Variants in SIRPG observed in about 807,000 individuals in gnomAD.
SIRPG encodes the protein signal regulatory protein gamma, also known as signal-regulatory protein gamma.
A neutral mutation model predicts 35.7 loss-of-function variants in SIRPG; 38 were observed. The ratio of observed to expected loss-of-function variants is 1.06; its 90% CI spans 0.82 to 1.40. SIRPG has a LOEUF of 1.40. Among genes scored for constraint, SIRPG ranks in the 40% most tolerant of loss-of-function variants. The probability of loss-of-function intolerance (pLI) is 0.00; values close to 1 mark genes in which losing one functional copy is unlikely to be tolerated. For synonymous variants in SIRPG, 215 were observed against 190.4 expected, an observed-to-expected ratio of 1.13 and a Z score of -1.06; for missense variants, 519 against 483.0, an observed-to-expected ratio of 1.07 and a Z score of -0.70.
chr20:1,685,371 T>C, the SIRPG span, among the ~76,000 whole-genome samples: 1 of 151,808 alleles, frequency 6.6e-6, no homozygotes, highest in East Asian at 1.9e-4. Context: ...TTACATGAGG[T>C]CATTGGGGGG....
the SIRPG span, among the ~76,000 whole-genome samples, chr20:1,676,001 A>G: frequency 6.6e-6 from 1 of 152,132 alleles, no homozygotes; most frequent in Admixed American, 6.5e-5. Context: ...TTTCTCATCC[A>G]GGGATCAATT....
chr20:1,663,082 A>G, the SIRPG span, among the ~76,000 whole-genome samples: 1 of 152,064 alleles, frequency 6.6e-6, no homozygotes, highest in Admixed American at 6.6e-5. Flanking sequence ...GGGAGGCCAA[A>G]GCGGGCGGAT....
chr20:1,656,331 T>C (rs537948619), intron 1 of SIRPG, among the ~76,000 whole-genome samples: 28 of 152,244 alleles, frequency 1.8e-4, no homozygotes, highest in African/African-American at 6.5e-4. Context: ...CATTTGCAAA[T>C]AGAGCACAAG....
intron 2 of SIRPG, among the ~76,000 whole-genome samples, chr20:1,648,680 G>T (rs2091915559): frequency 6.6e-6 from 1 of 152,062 alleles, no homozygotes; most frequent in South Asian, 2.1e-4. Context: ...GAATATACTT[G>T]GCCAGCCTGA....
the SIRPG span, among the ~76,000 whole-genome samples, chr20:1,668,261 TTTTCTTTTC>T: frequency 1.3e-5 from 2 of 149,308 alleles, no homozygotes; most frequent in South Asian, 4.2e-4. Flanking sequence ...TTCTTTTTCT[TTTTCTTTTC>T]TTTCTTTCTT....
the SIRPG span, among the ~76,000 whole-genome samples, chr20:1,686,011 C>T: frequency 6.6e-6 from 1 of 152,164 alleles, no homozygotes; most frequent in Non-Finnish European, 1.5e-5. Context: ...AAACCTACTG[C>T]TCAATATTTG....
chr20:1,666,559 T>TGTCATAC, the SIRPG span: 5 of 152,358 alleles, frequency 3.3e-5, no homozygotes, highest in African/African-American at 1.2e-4. Context: ...AGGTGAAAAC[T>TGTCATAC]GTCATACTGA....
At position 1,630,293 on chromosome 20, in the gene SIRPG, G is replaced by A. The variant is rs3746722; in HGVS notation, c.1095C>T (p.Ser365=). 1,065,145 of 1,560,516 alleles carry A rather than the reference G, an allele frequency of 0.68. 368,844 individuals carry two copies. The highest frequency in any genetic ancestry group is 0.9 in the African/African-American group (66,201 of 73,958). ...SSDATPGPAS[S]LTALLLIAVL... is the part of the protein sequence containing the mutation. ...CAGCTATGAGGAGCAGCGCAGTAAG[G>A]GATGATGCCGGGCCTGGAAATCAGG... is the stretch of plus-strand genomic sequence containing the variant. Residue 365 remains serine, a synonymous_variant, in exon 5 of 6, where the codon TCC becomes TCT. Coordinates refer to ENST00000303415, the MANE Select transcript of SIRPG (RefSeq NM_018556.4).
At chr20:1,678,687 C>T in the SIRPG span, among the ~76,000 whole-genome samples, 5 of 152,176 alleles carry the variant, frequency 3.3e-5, no homozygotes, top group Non-Finnish European at 7.4e-5. Flanking sequence ...AAAATCTTCC[C>T]AAACTTGATA....
At chr20:1,656,769 G>C in intron 1 of SIRPG, among the ~76,000 whole-genome samples, 1 of 152,158 alleles carries the variant, frequency 6.6e-6, no homozygotes, top group East Asian at 1.9e-4. Context: ...CCTGTTATGG[G>C]CTGAATGTGC....
chr20:1,642,400 C>A (rs1374062789), intron 2 of SIRPG, among the ~76,000 whole-genome samples: 1 of 152,128 alleles, frequency 6.6e-6, no homozygotes, highest in African/African-American at 2.4e-5. Flanking sequence ...CCCCCACCTT[C>A]TTTTGCTTTC....
chr20:1,663,803 A>G, the SIRPG span, among the ~76,000 whole-genome samples: 7 of 152,278 alleles, frequency 4.6e-5, no homozygotes, highest in Admixed American at 4.6e-4. Context: ...GTCAGAAACA[A>G]CTAGTGTTTC....
chr20:1,632,288 T>C (rs1568722428), intron 4 of SIRPG, among the ~76,000 whole-genome samples: 1 of 152,144 alleles, frequency 6.6e-6, no homozygotes, highest in African/African-American at 2.4e-5. Flanking sequence ...CTCTCAGTAT[T>C]ACTTGAAGAG....
chr20:1,671,941 C>T, the SIRPG span, among the ~76,000 whole-genome samples: 8 of 152,192 alleles, frequency 5.3e-5, no homozygotes, highest in African/African-American at 1.2e-4. Flanking sequence ...ATGGCCATCA[C>T]GAACATGTAA....
At chr20:1,668,769 G>A in the SIRPG span, among the ~76,000 whole-genome samples, 252 of 152,252 alleles carry the variant, frequency 1.7e-3, 2 homozygotes, top group African/African-American at 5.8e-3. Context: ...GTAGAAAAAC[G>A]TCCTCAATCA....
upstream of SIRPG, among the ~76,000 whole-genome samples, chr20:1,659,116 A>T (rs976991846): frequency 6.6e-6 from 1 of 152,244 alleles, no homozygotes; most frequent in African/African-American, 2.4e-5. Flanking sequence ...AAGCAAAAAA[A>T]CATGGCTATA....
At chr20:1,649,742 T>A (rs1026121988) in intron 1 of SIRPG, among the ~76,000 whole-genome samples, 6 of 147,548 alleles carry the variant, frequency 4.1e-5, no homozygotes, top group Non-Finnish European at 5.9e-5. Flanking sequence ...GTTCAAGTGA[T>A]CCTCCTACCT....
the SIRPG span, among the ~76,000 whole-genome samples, chr20:1,672,218 C>T: frequency 5.3e-5 from 8 of 152,136 alleles, no homozygotes; most frequent in Non-Finnish European, 1.2e-4. Context: ...TGCTTTGGAT[C>T]AAACACAGAG....
chr20:1,638,880 C>T (rs1439849779), intron 2 of SIRPG, among the ~76,000 whole-genome samples: 1 of 149,990 alleles, frequency 6.7e-6, no homozygotes, highest in East Asian at 2.0e-4. Flanking sequence ...GTTTGCTTTT[C>T]TGTCCCTGTG....
Sources: gnomAD v4.1 joint callset for allele counts (sites outside exome capture counted in the v4.1 genomes callset) on GRCh38, gnomAD v4.1.1 for gene constraint, MANE v1.5 for transcripts, NCBI Gene and HGNC (gene_info 2026-07-23, HGNC 2026-07-21) for gene names.